MCOLN2: variants seen among roughly 807,000 people sequenced by gnomAD.
MCOLN2 encodes mucolipin-2.
MCOLN2 carries 57 observed loss-of-function variants against 67.5 expected under a neutral mutation model. The observed-to-expected ratio is 0.84, with a 90% confidence interval of 0.68 to 1.05. MCOLN2 has a LOEUF of 1.05. MCOLN2 is among the 50% of genes least tolerant of loss of function. MCOLN2 has a pLI of 0.00. For synonymous variants in MCOLN2, 246 were observed against 233.3 expected, an observed-to-expected ratio of 1.05 and a Z score of -0.50; for missense variants, 620 against 678.8, an observed-to-expected ratio of 0.91 and a Z score of 0.96.
intron 1 of MCOLN2, among the ~76,000 whole-genome samples, chr1:84,996,238 T>C (rs918791217): frequency 3.9e-5 from 6 of 151,972 alleles, no homozygotes; most frequent in African/African-American, 1.5e-4. Context: ...CTACATAAAA[T>C]ATCAGAGTCT....
intron 1 of MCOLN2, among the ~76,000 whole-genome samples, chr1:84,994,202 A>G (rs1160458808): frequency 6.6e-6 from 1 of 152,232 alleles, no homozygotes; most frequent in African/African-American, 2.4e-5. Context: ...TACAAAGCAG[A>G]GGCAGAGTAG....
At chr1:84,941,036 A>G (rs1299253498) in intron 7 of MCOLN2, 45 bp from the exon 8 acceptor site, 1 of 1,276,158 alleles carries the variant, frequency 7.8e-7, no homozygotes, top group Non-Finnish European at 1.1e-6. Context: ...ACCTTACCGG[A>G]GAATAATTTC....
At chr1:84,967,292 C>CT (rs1649429631) in intron 1 of MCOLN2, among the ~76,000 whole-genome samples, 1 of 152,196 alleles carries the variant, frequency 6.6e-6, no homozygotes, top group Admixed American at 6.5e-5. Context: ...AACAAATACC[C>CT]TTCATGGCTT....
intron 11 of MCOLN2, chr1:84,937,470 C>A: frequency 2.1e-6 from 1 of 471,712 alleles, no homozygotes; most frequent in East Asian, 5.3e-5. Context: ...CACGTCCAAA[C>A]ATTTCCCATT....
At chr1:84,948,893 G>C (rs894967003) in intron 6 of MCOLN2, among the ~76,000 whole-genome samples, 1 of 152,240 alleles carries the variant, frequency 6.6e-6, no homozygotes. Flanking sequence ...ACTTTGGAAG[G>C]CCAAGGCAGG....
chr1:84,939,526 C>T, intron 9 of MCOLN2, 27 bp downstream of exon 9: 1 of 1,611,106 alleles, frequency 6.2e-7, no homozygotes. Flanking sequence ...AGATGAAGAA[C>T]AGAGACTTTA....
At chr1:84,943,535 A>C (rs1434763440) in intron 7 of MCOLN2, among the ~76,000 whole-genome samples, 2 of 152,126 alleles carry the variant, frequency 1.3e-5, no homozygotes, top group Non-Finnish European at 1.5e-5. Flanking sequence ...CTGCGGTCAG[A>C]GTCTTCCACA....
At chr1:84,951,846 G>T (rs1454540091) in intron 6 of MCOLN2, among the ~76,000 whole-genome samples, 2 of 152,222 alleles carry the variant, frequency 1.3e-5, no homozygotes, top group African/African-American at 4.8e-5. Context: ...GCCGAGGCAG[G>T]CAGATCACTT....
intron 2 of MCOLN2, among the ~76,000 whole-genome samples, chr1:84,964,206 A>G (rs139142026): frequency 9.2e-5 from 14 of 152,334 alleles, no homozygotes; most frequent in African/African-American, 3.4e-4. Context: ...GAGCTGGTAC[A>G]CATGGCATGT....
chr1:84,945,090 T>C (rs1229432283), intron 7 of MCOLN2, among the ~76,000 whole-genome samples: 1 of 152,140 alleles, frequency 6.6e-6, no homozygotes, highest in African/African-American at 2.4e-5. Flanking sequence ...TTTTACCCAG[T>C]GGTCTAGGAG....
chr1:84,965,449 G>T, intron 2 of MCOLN2, 100 bp downstream of exon 2: 1 of 1,288,720 alleles, frequency 7.8e-7, no homozygotes, highest in Non-Finnish European at 1.1e-6. Flanking sequence ...TTATGAACTT[G>T]AGTGTGGGCT....
At chr1:84,975,395 G>T (rs1649946405) in intron 1 of MCOLN2, among the ~76,000 whole-genome samples, 1 of 152,216 alleles carries the variant, frequency 6.6e-6, no homozygotes, top group Non-Finnish European at 1.5e-5. Context: ...AAGAGTCTCT[G>T]CCTGGTAATC....
chr1:84,975,640 G>C (rs1337350644), intron 1 of MCOLN2, among the ~76,000 whole-genome samples: 1 of 152,096 alleles, frequency 6.6e-6, no homozygotes, highest in East Asian at 1.9e-4. Context: ...ACATCTACAA[G>C]TATCAAGATA....
chr1:84,934,641 T>G (rs1472994950), intron 11 of MCOLN2, among the ~76,000 whole-genome samples: 1 of 152,214 alleles, frequency 6.6e-6, no homozygotes, highest in Non-Finnish European at 1.5e-5. Flanking sequence ...CTTGGTCTTC[T>G]CATTTGTAAA....
At position 84,931,557 on chromosome 1, in the gene MCOLN2, C is replaced by T. The variant is rs779020851; in HGVS notation, c.1347G>A (p.Leu449=). 8 of 1,613,752 alleles carry T rather than the reference C, an allele frequency of 5.0e-6. No individual in the cohort carries two copies. The highest frequency in any genetic ancestry group is 6.8e-6 in the Non-Finnish European group (8 of 1,179,814). ...LGPYHDKFEN[L]NTVAECLFSL... ...AAAACAGACACTCAGCAACTGTGTTCAGATTTTCAAACTGTAGGGGGAAAT... is the reference window on the plus strand; with the variant it reads ...AAAACAGACACTCAGCAACTGTGTTTAGATTTTCAAACTGTAGGGGGAAAT... Residue 449 remains leucine (L), a synonymous_variant, in exon 12 of 14, where the codon CTG becomes CTA. Coordinates refer to ENST00000370608, the MANE Select transcript of MCOLN2 (RefSeq NM_153259.4).
chr1:84,950,785 A>C (rs1234946762), intron 6 of MCOLN2, among the ~76,000 whole-genome samples: 1 of 152,152 alleles, frequency 6.6e-6, no homozygotes, highest in African/African-American at 2.4e-5. Context: ...CTCAAACCAA[A>C]GGTTTGAGAA....
At chr1:84,927,689 G>T (rs929024287) in intron 13 of MCOLN2, among the ~76,000 whole-genome samples, 2 of 152,208 alleles carry the variant, frequency 1.3e-5, no homozygotes, top group African/African-American at 4.8e-5. Flanking sequence ...CAGACAGGGG[G>T]CACAAAAACC....
rs1557671574 is a variant in MCOLN2 at position 84,996,959 on chromosome 1, C to G, written c.-87G>C. ...CCGACTCATTTCGCCCTCGCCGTAACGCGTCCGCCGAAGTTGGAGCCCTGC... is the reference window on the plus strand; with the variant it reads ...CCGACTCATTTCGCCCTCGCCGTAAGGCGTCCGCCGAAGTTGGAGCCCTGC... On this transcript the variant is annotated 5_prime_UTR_variant, in exon 1 of 14. Transcript: ENST00000370608. 10 of 1,238,310 alleles carry G rather than the reference C, an allele frequency of 8.1e-6. No homozygotes were observed. Among genetic ancestry groups the G allele is most frequent in the Non-Finnish European group, 1.2e-5 (10 of 849,452 alleles). The allele number at this position is 1,238,310 out of a possible 1,614,324, so 76.7% of individuals were successfully genotyped here.
At chr1:84,970,804 A>G (rs764675464) in intron 1 of MCOLN2, among the ~76,000 whole-genome samples, 19 of 152,238 alleles carry the variant, frequency 1.2e-4, no homozygotes, top group African/African-American at 1.7e-4. Context: ...TAAGAGTTAT[A>G]CTGGAAATAT....
Sources: allele counts gnomAD v4.1 joint callset (sites outside exome capture counted in the v4.1 genomes callset), GRCh38; gene constraint gnomAD v4.1.1; transcripts MANE v1.5; gene names NCBI Gene and HGNC (gene_info 2026-07-23, HGNC 2026-07-21).